Variants in SERGEF observed in about 807,000 individuals in gnomAD.
SERGEF encodes the protein secretion regulating guanine nucleotide exchange factor.
Under a neutral mutation model 50.0 loss-of-function variants are expected in SERGEF, and 51 were observed. The observed-to-expected ratio is 1.02, with a 90% confidence interval of 0.81 to 1.29. SERGEF has a LOEUF of 1.29. Among genes scored for constraint, SERGEF ranks in the 50% most tolerant of loss-of-function variants. The probability of loss-of-function intolerance (pLI) is 0.00; values close to 1 mark genes in which losing one functional copy is unlikely to be tolerated. For missense variants in SERGEF, 521 were observed against 557.0 expected (o/e 0.94, Z 0.65); for synonymous variants, 205 against 212.4 (o/e 0.97, Z 0.30).
rs1008856604 is a variant in SERGEF, at chr11:18,012,529, G to C, written c.60+422C>G. On this transcript the variant is annotated intron_variant, in intron 1 of 10. Coordinates refer to ENST00000265965, the MANE Select transcript of SERGEF (RefSeq NM_012139.4). Reference sequence around the variant, plus strand: ...CTAAAGGATGCTTTCGCCAGGCTGGGACAGGGTCTCCCTCCTCCAGGCATC... The same window carrying C: ...CTAAAGGATGCTTTCGCCAGGCTGGCACAGGGTCTCCCTCCTCCAGGCATC... The C allele has an allele frequency of 2.0e-4, 224 of 1,127,258 alleles. 2 individuals are homozygous for C. The Middle Eastern group carries it at 4.5e-3, about 23-fold the overall frequency. 69.8% of individuals were successfully genotyped at this position (1,127,258 alleles called of 1,614,324 possible).
At chr11:18,001,704 T>C (rs902463216) in intron 4 of SERGEF, among the ~76,000 whole-genome samples, 2 of 152,248 alleles carry the variant, frequency 1.3e-5, no homozygotes, top group African/African-American at 4.8e-5. Context: ...AGATAACTAA[T>C]GAAGATCTTT....
intron 10 of SERGEF, among the ~76,000 whole-genome samples, chr11:17,796,475 G>A (rs1404013967): frequency 1.3e-5 from 2 of 152,226 alleles, no homozygotes; most frequent in Non-Finnish European, 2.9e-5. Flanking sequence ...GTCACTGTGG[G>A]AATGGGTTAA....
chr11:17,988,576 A>T (rs1247469101), intron 8 of SERGEF, 21 bp downstream of exon 8: 1 of 1,612,074 alleles, frequency 6.2e-7, no homozygotes, highest in South Asian at 1.1e-5. Context: ...ACCAACCGTA[A>T]GTTCTCTGCT....
At chr11:17,880,421 A>G (rs753108374) in intron 9 of SERGEF, among the ~76,000 whole-genome samples, 1 of 152,238 alleles carries the variant, frequency 6.6e-6, no homozygotes, top group African/African-American at 2.4e-5. Context: ...AAATTATGGT[A>G]GAGCCATCTG....
intron 8 of SERGEF, among the ~76,000 whole-genome samples, chr11:17,976,457 ATTTTTTTTTTTTTTT>A (rs67114053): frequency 2.0e-5 from 2 of 99,030 alleles, no homozygotes; most frequent in African/African-American, 7.8e-5. Context: ...GCTAATTTTC[ATTTTTTTTTTTTTTT>A]TTTTTTTTTA....
chr11:17,927,409 G>T (rs1852272138), intron 9 of SERGEF, among the ~76,000 whole-genome samples: 1 of 152,184 alleles, frequency 6.6e-6, no homozygotes, highest in Non-Finnish European at 1.5e-5. Context: ...CCCGATTTTG[G>T]TTCTGTGAGG....
chr11:17,948,168 A>T (rs1200159431), intron 9 of SERGEF, among the ~76,000 whole-genome samples: 1 of 152,136 alleles, frequency 6.6e-6, no homozygotes, highest in African/African-American at 2.4e-5. Flanking sequence ...CACCTGCCTC[A>T]GCCTCCCAAA....
intron 10 of SERGEF, among the ~76,000 whole-genome samples, chr11:17,819,686 T>A (rs1850041735): frequency 6.6e-6 from 1 of 151,966 alleles, no homozygotes; most frequent in Admixed American, 6.6e-5. Context: ...ACCCAGAGAG[T>A]CCTTCTCTAC....
intron 9 of SERGEF, among the ~76,000 whole-genome samples, chr11:17,928,248 C>T (rs1273145127): frequency 6.6e-6 from 1 of 152,120 alleles, no homozygotes; most frequent in Non-Finnish European, 1.5e-5. Context: ...CTGGTCCTCA[C>T]CTACAGAACT....
chr11:17,998,174 G>A (rs572571018), intron 5 of SERGEF, among the ~76,000 whole-genome samples: 11 of 152,050 alleles, frequency 7.2e-5, no homozygotes, highest in Admixed American at 7.2e-4. Context: ...CACTTTGGGA[G>A]GAGAAGGCAG....
At chr11:17,939,280 C>G (rs1392064233) in intron 9 of SERGEF, among the ~76,000 whole-genome samples, 2 of 152,274 alleles carry the variant, frequency 1.3e-5, no homozygotes, top group African/African-American at 4.8e-5. Context: ...AGTCAGATGA[C>G]AATCCTGGAA....
At chr11:18,002,066 T>C (rs1463957853) in intron 4 of SERGEF, 2 of 456,134 alleles carry the variant, frequency 4.4e-6, no homozygotes, top group South Asian at 1.6e-5. Flanking sequence ...CTTCTGTCAA[T>C]GGAGTCCACA....
intron 8 of SERGEF, 102 bp from the exon 9 acceptor site, chr11:17,959,738 A>G (rs1590219229): frequency 2.0e-6 from 2 of 1,007,968 alleles, no homozygotes; most frequent in East Asian, 5.2e-5. Context: ...TTTTAGTACC[A>G]CCTACCAGGA....
chr11:17,819,747 T>C (rs1421639458), intron 10 of SERGEF, among the ~76,000 whole-genome samples: 1 of 152,208 alleles, frequency 6.6e-6, no homozygotes, highest in Non-Finnish European at 1.5e-5. Flanking sequence ...ACCTTCCCAG[T>C]TGTAGGCAAG....
At chr11:17,919,836 C>T (rs1852119123) in intron 9 of SERGEF, among the ~76,000 whole-genome samples, 2 of 151,944 alleles carry the variant, frequency 1.3e-5, no homozygotes, top group East Asian at 1.9e-4. Flanking sequence ...AAAACTGCAA[C>T]GCGGGAGGCT....
chr11:17,927,781 A>G (rs1852278430), intron 9 of SERGEF, among the ~76,000 whole-genome samples: 1 of 152,244 alleles, frequency 6.6e-6, no homozygotes, highest in African/African-American at 2.4e-5. Flanking sequence ...AATCTTCTAC[A>G]TTTTAACAAG....
At chr11:17,905,640 C>G (rs569866929) in intron 9 of SERGEF, among the ~76,000 whole-genome samples, 1 of 152,134 alleles carries the variant, frequency 6.6e-6, no homozygotes, top group South Asian at 2.1e-4. Flanking sequence ...GCTCACATGA[C>G]AGGAGTCAGA....
intron 9 of SERGEF, among the ~76,000 whole-genome samples, chr11:17,891,296 T>A (rs1354682117): frequency 3.3e-5 from 5 of 152,140 alleles, no homozygotes; most frequent in Non-Finnish European, 7.4e-5. Flanking sequence ...GCATTTCTTG[T>A]GAAAAAAGAT....
chr11:17,934,097 AT>A lies in SERGEF; in HGVS notation c.1011+25372del, dbSNP rs139205092. On this transcript the variant is annotated intron_variant, in intron 9 of 10. Transcript: ENST00000265965. ...AAATTGAATAATAAAAAAAACTAGA[AT>A]TTTTTTTTAATATTGAGATACTTAA... 2.2e-3 allele frequency among the ~76,000 whole-genome samples: 329 copies of A among 151,892 alleles called. 2 individuals carry two copies. The highest frequency in any genetic ancestry group is 3.6e-3 in the Non-Finnish European group (246 of 67,886).
Sources: allele counts gnomAD v4.1 joint callset (sites outside exome capture counted in the v4.1 genomes callset), GRCh38; gene constraint gnomAD v4.1.1; transcripts MANE v1.5; gene names NCBI Gene and HGNC (gene_info 2026-07-23, HGNC 2026-07-21).